Variants in ZNF428 observed in about 807,000 individuals in gnomAD.
ZNF428 encodes the protein zinc finger protein 428.
Under a neutral mutation model 15.6 loss-of-function variants are expected in ZNF428, and 5 were observed. The ratio of observed to expected loss-of-function variants is 0.32; its 90% CI spans 0.17 to 0.67. The LOEUF is 0.67. ZNF428 is among the 30% of genes least tolerant of loss of function. The probability of loss-of-function intolerance (pLI) is 0.73; values close to 1 mark genes in which losing one functional copy is unlikely to be tolerated. For synonymous variants in ZNF428, 97 were observed against 102.2 expected (o/e 0.95, Z 0.31); for missense variants, 237 against 256.0 (o/e 0.93, Z 0.51).
chr19:43,616,548 G>A (rs182816819), intron 1 of ZNF428, among the ~76,000 whole-genome samples: 1 of 152,324 alleles, frequency 6.6e-6, no homozygotes, highest in Non-Finnish European at 1.5e-5. Flanking sequence ...CTGGTAAGTG[G>A]ATGAACTAGG....
rs184345135 is a variant in ZNF428 at position 43,617,948 on chromosome 19, G to A, written c.-131+1610C>T. ...GCGATCTCGGCTCACTGCAACCTCTGCCTCCTGGGTTCAAGCGATTATCCT... is the reference window on the plus strand; with the variant it reads ...GCGATCTCGGCTCACTGCAACCTCTACCTCCTGGGTTCAAGCGATTATCCT... On this transcript the variant is annotated intron_variant, in intron 1 of 2. Transcript: ENST00000300811. 2.6e-5 allele frequency among the ~76,000 whole-genome samples: 4 copies of A among 151,420 alleles called. No homozygotes were observed. The East Asian group carries it at 7.8e-4, about 29-fold the overall frequency.
Position 43,614,243 on chromosome 19 carries a change from T to C in ZNF428, c.62A>G (p.Glu21Gly). 2 of 1,614,146 alleles carry C rather than the reference T, an allele frequency of 1.2e-6. No homozygotes were observed. Among genetic ancestry groups the C allele is most frequent in the Non-Finnish European group, 1.7e-6 (2 of 1,179,994 alleles). ...GGYASLEEDD[E>G]DLSPGPEHSS... is the part of the protein sequence containing the mutation. ...GGCCACCTTACCTGGGGAAAGGTCT[T>C]CATCATCTTCTTCCAAGCTGGCGTA... The change falls in exon 2 of 3, where the codon GAA becomes GGA. Residue 21 changes from glutamate to glycine, a missense_variant. Glu to Gly is a moderately conservative substitution (Grantham distance 98, BLOSUM62 -2). Coordinates refer to ENST00000300811, the MANE Select transcript of ZNF428 (RefSeq NM_182498.4).
chr19:43,614,502 A>C, intron 1 of ZNF428, 68 bp from the exon 2 acceptor site: 1 of 1,385,416 alleles, frequency 7.2e-7, no homozygotes, highest in South Asian at 1.6e-5. Flanking sequence ...ATCCCCACCA[A>C]GCCCAACTGT....
rs1166375985 is a variant in ZNF428, at chr19:43,616,811, CCTT to C, written c.-130-2380_-130-2378del. On this transcript the variant is annotated intron_variant, in intron 1 of 2. Coordinates refer to ENST00000300811, the MANE Select transcript of ZNF428 (RefSeq NM_182498.4). Reference sequence around the variant, plus strand: ...TTGCTGTCAAGAATGTCCTCCTCCTCCTTTTTTTTTTTTTTTTTGAGATGGAGT... The same window carrying C: ...TTGCTGTCAAGAATGTCCTCCTCCTCTTTTTTTTTTTTTTTGAGATGGAGT... Among the ~76,000 whole-genome samples the C allele has an allele frequency of 4.8e-5, 7 of 146,908 alleles. No individual in the cohort carries two copies. In the Admixed American group the frequency reaches 4.8e-4, roughly 10 times the overall value.
intron 2 of ZNF428, chr19:43,613,639 G>A (rs568803309): frequency 3.2e-6 from 5 of 1,548,380 alleles, no homozygotes; most frequent in Non-Finnish European, 4.4e-6. Flanking sequence ...CCAGCAAGGA[G>A]AGACAGTGCA....
chr19:43,615,654 C>T (rs1039072876), intron 1 of ZNF428, among the ~76,000 whole-genome samples: 7 of 152,076 alleles, frequency 4.6e-5, no homozygotes, highest in African/African-American at 1.4e-4. Flanking sequence ...TGCAGTGAGC[C>T]GTGACCTTGC....
intron 1 of ZNF428, among the ~76,000 whole-genome samples, chr19:43,617,030 A>G (rs1336854104): frequency 6.6e-6 from 1 of 151,984 alleles, no homozygotes; most frequent in East Asian, 1.9e-4. Context: ...TCCTGACCTC[A>G]GGTGATCCAT....
intron 1 of ZNF428, among the ~76,000 whole-genome samples, chr19:43,614,717 G>A (rs1480039298): frequency 6.6e-6 from 1 of 152,046 alleles, no homozygotes; most frequent in Admixed American, 6.5e-5. Flanking sequence ...TCCTACCTCA[G>A]CTTCCCGAGT....
intron 2 of ZNF428, among the ~76,000 whole-genome samples, chr19:43,610,307 C>T (rs2003098): frequency 0.13 from 18,394 of 146,562 alleles, 1,499 homozygotes; most frequent in East Asian, 0.21. Flanking sequence ...TCAGGCAATT[C>T]TTCTGCCTCA....
chr19:43,615,550 T>TA (rs1183128163), intron 1 of ZNF428, among the ~76,000 whole-genome samples: 1 of 151,062 alleles, frequency 6.6e-6, no homozygotes, highest in African/African-American at 2.4e-5. Context: ...AAAAAAAAAT[T>TA]ACAAAAGTTA....
At chr19:43,616,791 G>A (rs1293398943) in intron 1 of ZNF428, among the ~76,000 whole-genome samples, 1 of 149,988 alleles carries the variant, frequency 6.7e-6, no homozygotes, top group Admixed American at 6.7e-5. Context: ...CACTGTTGCT[G>A]TCAAGAATGT....
intron 2 of ZNF428, chr19:43,613,566 A>C (rs1463726564): frequency 1.9e-6 from 3 of 1,551,332 alleles, no homozygotes; most frequent in Admixed American, 3.9e-5. Flanking sequence ...CCCAGCAAGG[A>C]AAGAGATCAC....
In ZNF428 at chr19:43,607,372, T is replaced by C; in HGVS notation, c.*245A>G. ...TCCCCAAGAAGGAGCCCAGGGGGAA[T>C]ACACACACACACACACACACACAAA... On this transcript the variant is annotated 3_prime_UTR_variant, in exon 3 of 3. Coordinates refer to ENST00000300811, the MANE Select transcript of ZNF428 (RefSeq NM_182498.4). This position sits in a 1 kb window ranked among gnomAD's most constrained non-coding sequence, Gnocchi z 5.1. 2 of 418,546 alleles carry C rather than the reference T, an allele frequency of 4.8e-6. No individual in the cohort carries two copies. Among genetic ancestry groups the C allele is most frequent in the Admixed American group, 4.3e-5 (1 of 23,220 alleles). The allele number at this position is 418,546 out of a possible 1,614,324, so 25.9% of individuals were successfully genotyped here.
chr19:43,610,952 A>G (rs947089803), intron 2 of ZNF428, among the ~76,000 whole-genome samples: 1 of 152,022 alleles, frequency 6.6e-6, no homozygotes, highest in Non-Finnish European at 1.5e-5. Context: ...CCATTTAACA[A>G]TCGTTTCCTG....
chr19:43,612,270 C>T lies in ZNF428; in HGVS notation c.76+1959G>A, dbSNP rs1479622119. The T allele has an allele frequency of 3.9e-6, 6 of 1,551,566 alleles. No individual in the cohort carries two copies. The highest frequency in any genetic ancestry group is 1.2e-5 in the South Asian group (1 of 84,054). ...AGATCCTTAGTGCCCACCAAACCAG[C>T]GACATCCCGTAACTCAGTCATGAGC... is the stretch of plus-strand genomic sequence containing the variant. On this transcript the variant is annotated intron_variant, in intron 2 of 2. Coordinates refer to ENST00000300811, the MANE Select transcript of ZNF428 (RefSeq NM_182498.4). This position sits in a 1 kb window ranked among gnomAD's most constrained non-coding sequence, Gnocchi z 4.2.
intron 1 of ZNF428, 171 bp from the exon 2 acceptor site, chr19:43,614,605 T>TC (rs1415756171): frequency 1.1e-5 from 2 of 178,796 alleles, no homozygotes; most frequent in Non-Finnish European, 2.1e-5. Context: ...TCTCTAGGTC[T>TC]TTTTTTTTTT....
chr19:43,616,354 C>T (rs532965645), intron 1 of ZNF428, among the ~76,000 whole-genome samples: 3 of 152,066 alleles, frequency 2.0e-5, no homozygotes, highest in African/African-American at 7.2e-5. Context: ...TCTAGGTTTG[C>T]CACACTCTAG....
In ZNF428 at chr19:43,612,396, G is replaced by C; in HGVS notation, c.76+1833C>G. On this transcript the variant is annotated intron_variant, in intron 2 of 2. Coordinates refer to ENST00000300811, the MANE Select transcript of ZNF428 (RefSeq NM_182498.4). The surrounding 1 kb of genome is among the most constrained non-coding windows in gnomAD (Gnocchi z 4.2). ...GTCCGCAGCAAAGCAAGAACACCCA[G>C]CAGGGTGAGCACCGACACCAGGACC... 6.4e-7 allele frequency: 1 copy of C among 1,551,708 alleles called. No individual in the cohort carries two copies. The highest frequency in any genetic ancestry group is 8.7e-7 in the Non-Finnish European group (1 of 1,147,004).
intron 2 of ZNF428, chr19:43,613,191 G>A: frequency 1.3e-6 from 2 of 1,551,698 alleles, no homozygotes; most frequent in Non-Finnish European, 1.7e-6. Context: ...AACTGGTCTA[G>A]AAACCCCAGC....
Sources: allele counts gnomAD v4.1 joint callset (sites outside exome capture counted in the v4.1 genomes callset), GRCh38; gene constraint gnomAD v4.1.1; non-coding constraint Gnocchi (gnomAD v3.1); transcripts MANE v1.5; gene names NCBI Gene and HGNC (gene_info 2026-07-23, HGNC 2026-07-21).